ESRRB: variants seen among roughly 807,000 people sequenced by gnomAD.
ESRRB encodes the protein estrogen related receptor beta.
ESRRB carries 16 observed loss-of-function variants against 46.0 expected under a neutral mutation model. That is an observed-to-expected ratio of 0.35 (90% CI 0.24 to 0.53). ESRRB has a LOEUF of 0.53. ESRRB is among the 20% of genes least tolerant of loss of function. The probability of loss-of-function intolerance (pLI) is 0.93; values close to 1 mark genes in which losing one functional copy is unlikely to be tolerated. For synonymous variants in ESRRB, 246 were observed against 259.6 expected, an observed-to-expected ratio of 0.95 and a Z score of 0.50; for missense variants, 488 against 607.4, an observed-to-expected ratio of 0.80 and a Z score of 2.07.
intron 1 of ESRRB, among the ~76,000 whole-genome samples, chr14:76,330,277 A>G (rs1883997246): frequency 6.6e-6 from 1 of 152,172 alleles, no homozygotes; most frequent in Non-Finnish European, 1.5e-5. Flanking sequence ...CCCGGGAGCC[A>G]GGCTGCTGTC....
intron 1 of ESRRB, among the ~76,000 whole-genome samples, chr14:76,430,538 C>A (rs1212312039): frequency 6.6e-6 from 1 of 152,180 alleles, no homozygotes; most frequent in South Asian, 2.1e-4. Flanking sequence ...TGGACTTTCT[C>A]AGAAGAATCA....
intron 1 of ESRRB, among the ~76,000 whole-genome samples, chr14:76,425,732 A>G (rs368895308): frequency 1.4e-4 from 22 of 152,154 alleles, no homozygotes; most frequent in African/African-American, 5.3e-4. Flanking sequence ...TTTTTGAGAC[A>G]GGGTCTCACT....
intron 3 of ESRRB, among the ~76,000 whole-genome samples, chr14:76,463,715 G>A (rs914893722): frequency 6.6e-6 from 1 of 151,954 alleles, no homozygotes; most frequent in Admixed American, 6.6e-5. Flanking sequence ...CCAAAGTGCT[G>A]GGATTACAGG....
chr14:76,387,364 C>T (rs1308431426), intron 1 of ESRRB, among the ~76,000 whole-genome samples: 1 of 152,242 alleles, frequency 6.6e-6, no homozygotes, highest in Non-Finnish European at 1.5e-5. Context: ...CAGGCACTCA[C>T]TGGCACTGCA....
chr14:76,319,086 C>G (rs1301076056), intron 1 of ESRRB, among the ~76,000 whole-genome samples: 1 of 152,178 alleles, frequency 6.6e-6, no homozygotes, highest in African/African-American at 2.4e-5. Flanking sequence ...AATCTGCTCT[C>G]CATAACCTAA....
In ESRRB at chr14:76,500,415, C is replaced by T; in HGVS notation, c.*1957C>T. On this transcript the variant is annotated 3_prime_UTR_variant, in exon 7 of 7. Coordinates refer to ENST00000644823, the MANE Select transcript of ESRRB (RefSeq NM_001379180.1). ...ATCTTCCCTCATTTGGGTGGAGGCA[C>T]ACATTTGGGGCAAAGGCCCCTTCTT... is the stretch of plus-strand genomic sequence containing the variant. 1 of 588,500 alleles carries T rather than the reference C, an allele frequency of 1.7e-6. No homozygotes were observed. The highest frequency in any genetic ancestry group is 2.8e-5 in the East Asian group (1 of 35,786). The allele number at this position is 588,500 out of a possible 1,614,324, so 36.5% of individuals were successfully genotyped here.
At chr14:76,380,332 T>C (rs76198137) in intron 1 of ESRRB, among the ~76,000 whole-genome samples, 1,829 of 152,118 alleles carry the variant, frequency 0.012, 40 homozygotes, top group African/African-American at 0.041. Flanking sequence ...ATGCATAGGA[T>C]TCAGAAGGAG....
At chr14:76,330,858 G>A (rs1274935015) in intron 1 of ESRRB, among the ~76,000 whole-genome samples, 1 of 152,168 alleles carries the variant, frequency 6.6e-6, no homozygotes, top group Non-Finnish European at 1.5e-5. Context: ...TGGGAATGCA[G>A]GGTGGGGCTG....
intron 1 of ESRRB, among the ~76,000 whole-genome samples, chr14:76,425,733 G>A (rs905050088): frequency 4.6e-5 from 7 of 151,990 alleles, no homozygotes; most frequent in Non-Finnish European, 8.8e-5. Flanking sequence ...TTTTGAGACA[G>A]GGTCTCACTC....
At chr14:76,385,994 T>C (rs867060387) in intron 1 of ESRRB, among the ~76,000 whole-genome samples, 1 of 152,222 alleles carries the variant, frequency 6.6e-6, no homozygotes, top group African/African-American at 2.4e-5. Flanking sequence ...TGTCCAGTGT[T>C]ATTAATTTTT....
At chr14:76,466,129 C>T (rs963230468) in intron 3 of ESRRB, among the ~76,000 whole-genome samples, 3 of 152,132 alleles carry the variant, frequency 2.0e-5, no homozygotes, top group African/African-American at 7.2e-5. Flanking sequence ...TTCACCTTCC[C>T]CAGGGCTGCT....
chr14:76,391,442 G>A (rs937863559), intron 1 of ESRRB, among the ~76,000 whole-genome samples: 2 of 152,362 alleles, frequency 1.3e-5, no homozygotes, highest in East Asian at 1.9e-4. Context: ...CCCACAGACC[G>A]CTGGCAATGC....
At chr14:76,369,379 A>C (rs1019364672), upstream of ESRRB, among the ~76,000 whole-genome samples, 4 of 150,994 alleles carry the variant, frequency 2.6e-5, no homozygotes, top group Non-Finnish European at 4.4e-5. Flanking sequence ...GGCTCAAGCA[A>C]TTCTCCTGCT....
At chr14:76,349,862 G>A (rs757719801) in intron 1 of ESRRB, among the ~76,000 whole-genome samples, 4 of 152,276 alleles carry the variant, frequency 2.6e-5, no homozygotes, top group Admixed American at 2.6e-4. Flanking sequence ...AAGAGCCTTT[G>A]CAGCTAGGAA....
chr14:76,436,401 G>A (rs1365454154), intron 1 of ESRRB, among the ~76,000 whole-genome samples: 2 of 152,212 alleles, frequency 1.3e-5, no homozygotes, highest in Non-Finnish European at 2.9e-5. Flanking sequence ...TTTATGTCAA[G>A]TGTATCTCCT....
upstream of ESRRB, among the ~76,000 whole-genome samples, chr14:76,372,860 G>C (rs1884657317): frequency 6.6e-6 from 1 of 152,142 alleles, no homozygotes; most frequent in Non-Finnish European, 1.5e-5. Context: ...AGAAAAACTT[G>C]TCTTTTAAGA....
intron 1 of ESRRB, among the ~76,000 whole-genome samples, chr14:76,345,632 G>A (rs868793247): frequency 2.2e-4 from 32 of 145,126 alleles, no homozygotes; most frequent in African/African-American, 7.8e-4. Context: ...AAAACAGTGT[G>A]GAGATTCGTG....
At chr14:76,412,856 C>T (rs1457458402) in intron 1 of ESRRB, among the ~76,000 whole-genome samples, 1 of 152,182 alleles carries the variant, frequency 6.6e-6, no homozygotes. Flanking sequence ...TGGCTCAGGC[C>T]TCTAATCCAA....
At chr14:76,452,280 C>T (rs1184163122) in intron 2 of ESRRB, among the ~76,000 whole-genome samples, 2 of 151,952 alleles carry the variant, frequency 1.3e-5, no homozygotes, top group African/African-American at 4.8e-5. Context: ...GCCGTCCAAA[C>T]CAAGATCAGG....
Sources: allele counts gnomAD v4.1 joint callset (sites outside exome capture counted in the v4.1 genomes callset), GRCh38; gene constraint gnomAD v4.1.1; transcripts MANE v1.5; gene names NCBI Gene and HGNC (gene_info 2026-07-23, HGNC 2026-07-21).